MVP: variants seen among roughly 807,000 people sequenced by gnomAD.
MVP encodes major vault protein, also known as lung resistance-related protein.
Under a neutral mutation model 83.5 loss-of-function variants are expected in MVP, and 62 were observed. The ratio of observed to expected loss-of-function variants is 0.74; its 90% CI spans 0.61 to 0.92. The LOEUF (loss-of-function observed/expected upper bound fraction) is 0.92. Among genes scored for constraint, MVP ranks in the 40% least tolerant of loss-of-function variants. MVP has a pLI of 0.00. For synonymous variants in MVP, 505 were observed against 504.1 expected (o/e 1.00, Z -0.02); for missense variants, 1,000 against 1,203.4 (o/e 0.83, Z 2.50).
At chr16:29,833,646 A>T in intron 3 of MVP, 87 bp from the exon 4 acceptor site, 1 of 1,568,942 alleles carries the variant, frequency 6.4e-7, no homozygotes. Flanking sequence ...ACAGAGATGG[A>T]TGTTGTGGAC....
At chr16:29,827,550 C>T (rs1222840114) in intron 1 of MVP, among the ~76,000 whole-genome samples, 4 of 152,188 alleles carry the variant, frequency 2.6e-5, no homozygotes, top group Non-Finnish European at 4.4e-5. Flanking sequence ...GATTCATTGT[C>T]CCTCTCTGGG....
rs1338845803 is a variant in MVP, at chr16:29,846,266, G to A, written c.2247G>A (p.Gln749=). 4 of 1,568,236 alleles carry A rather than the reference G, an allele frequency of 2.6e-6. No individual in the cohort carries two copies. The African/African-American group carries it at 5.4e-5, about 21-fold the overall frequency. The change falls in exon 13 of 15, where the codon CAG becomes CAA. Residue 749 remains glutamine (Q), a synonymous_variant. Coordinates refer to ENST00000357402, the MANE Select transcript of MVP (RefSeq NM_005115.5). ...GSVLQAKLKA[Q]ALAIETEAEL... ...TGCTGCAGGCCAAGCTAAAAGCACA[G>A]GCCTTGGCCATTGAAACGGTGAGTG...
intron 1 of MVP, 185 bp from the exon 2 acceptor site, chr16:29,830,330 G>C: frequency 2.0e-6 from 1 of 498,656 alleles, no homozygotes. Flanking sequence ...GGTCAGGATG[G>C]GCTGTGTCGT....
In MVP at chr16:29,841,872, G is replaced by A; in HGVS notation, c.1436+32G>A. The A allele has an allele frequency of 6.2e-7, 1 of 1,609,660 alleles. No individual in the cohort carries two copies. Among genetic ancestry groups the A allele is most frequent in the Non-Finnish European group, 8.5e-7 (1 of 1,179,884 alleles). On this transcript the variant is annotated intron_variant, in intron 9 of 14. Transcript: ENST00000357402. This position sits in a 1 kb window ranked among gnomAD's most constrained non-coding sequence, Gnocchi z 4.7. ...GCTGGCAGCGCAGGGTGTAGGGGGT[G>A]GCTCTCCATGGGTCTGGCTCTGACC...
intron 10 of MVP, among the ~76,000 whole-genome samples, 176 bp downstream of exon 10, chr16:29,842,288 T>A (rs1199502250): frequency 6.6e-6 from 1 of 152,072 alleles, no homozygotes; most frequent in Admixed American, 6.6e-5. Context: ...TTTGTTTTTT[T>A]AGTTTTTTGG....
Position 29,836,758 on chromosome 16 carries a change from G to A in MVP, c.709G>A (p.Asp237Asn). Residue 237 changes from aspartate to asparagine, a missense_variant, in exon 7 of 15, where the codon GAC becomes AAC. By Grantham distance (23) the Asp-to-Asn change is conservative. Coordinates refer to ENST00000357402, the MANE Select transcript of MVP (RefSeq NM_005115.5). ...CCTCCGGGCTCGGCGGAACTTCCGGGACTTCAGGGGAGTGTCCCGCCGCAC... is the reference window on the plus strand; with the variant it reads ...CCTCCGGGCTCGGCGGAACTTCCGGAACTTCAGGGGAGTGTCCCGCCGCAC... Reference protein sequence around the residue: ...LHLRARRNFRDFRGVSRRTGE... With the variant: ...LHLRARRNFRNFRGVSRRTGE... 2 of 1,605,280 alleles carry A rather than the reference G, an allele frequency of 1.2e-6. No individual in the cohort carries two copies. The highest frequency in any genetic ancestry group is 1.7e-6 in the Non-Finnish European group (2 of 1,173,694).
rs778283053 is a variant in MVP, at chr16:29,847,828, C to T, written c.2521C>T (p.Leu841Phe). The T allele has an allele frequency of 6.2e-7, 1 of 1,614,210 alleles. No homozygotes were observed. Among genetic ancestry groups the T allele is most frequent in the Non-Finnish European group, 8.5e-7 (1 of 1,180,042 alleles). The change falls in exon 15 of 15, where the codon CTC becomes TTC. Residue 841 changes from leucine to phenylalanine, a missense_variant. Transcript: ENST00000357402. Reference protein sequence around the residue: ...LITDGSTPINLFNTAFGLLGM... With the variant: ...LITDGSTPINFFNTAFGLLGM... ...CACCGATGGCTCCACTCCCATCAAC[C>T]TCTTCAACACAGCCTTTGGGCTGCT...
At chr16:29,835,897 C>T (rs13335045) in intron 6 of MVP, 99 bp downstream of exon 6, 3 of 998,120 alleles carry the variant, frequency 3.0e-6, no homozygotes, top group Non-Finnish European at 4.6e-6. Context: ...AAAAGAGAAG[C>T]AATAATTTTA....
At chr16:29,829,073 C>CTTT (rs36101620) in intron 1 of MVP, among the ~76,000 whole-genome samples, 3 of 128,330 alleles carry the variant, frequency 2.3e-5, no homozygotes, top group African/African-American at 6.1e-5. Flanking sequence ...TGAGGAACCA[C>CTTT]TTTTTTTTTT....
intron 1 of MVP, chr16:29,826,100 G>C (rs954360540): frequency 6.6e-6 from 1 of 152,248 alleles, no homozygotes; most frequent in Admixed American, 6.5e-5. Context: ...CAGGTGGGGA[G>C]CCCCCAGCAC....
Position 29,836,733 on chromosome 16 carries a change from C to T in MVP, c.684C>T (p.His228=). 12 of 1,591,072 alleles carry T rather than the reference C, an allele frequency of 7.5e-6. No individual in the cohort carries two copies. Among genetic ancestry groups the T allele is most frequent in the Non-Finnish European group, 1.0e-5 (12 of 1,165,344 alleles). The stretch of plus-strand genomic sequence containing the variant: ...ATGTTGCTCTGCAGACAGCCCTGCA[C>T]CTCCGGGCTCGGCGGAACTTCCGGG... ...AVILTEKTAL[H]LRARRNFRDF... The change falls in exon 7 of 15, where the codon CAC becomes CAT. Residue 228 remains histidine (H), a synonymous_variant. Coordinates refer to ENST00000357402, the MANE Select transcript of MVP (RefSeq NM_005115.5).
At chr16:29,826,012 T>TGGG (rs1056930270) in intron 1 of MVP, 1 of 152,226 alleles carries the variant, frequency 6.6e-6, no homozygotes, top group African/African-American at 2.4e-5. Context: ...AGCCCCTACT[T>TGGG]GCTGTTCCAT....
intron 7 of MVP, among the ~76,000 whole-genome samples, chr16:29,838,310 C>G (rs1006324771): frequency 6.6e-6 from 1 of 151,968 alleles, no homozygotes; most frequent in Non-Finnish European, 1.5e-5. Flanking sequence ...GTGTCAGGCA[C>G]CTGTAATCCC....
chr16:29,823,128 T>TC (rs1471840114), intron 1 of MVP, among the ~76,000 whole-genome samples: 3 of 127,110 alleles, frequency 2.4e-5, no homozygotes, highest in African/African-American at 6.3e-5. Context: ...TTTTCTTTTT[T>TC]TTTTTTTTTT....
At chr16:29,837,097 C>A in intron 7 of MVP, 139 bp downstream of exon 7, 1 of 746,100 alleles carries the variant, frequency 1.3e-6, no homozygotes, top group Non-Finnish European at 2.1e-6. Context: ...TTCTTACACA[C>A]CTGAGACACT....
intron 5 of MVP, 198 bp from the exon 6 acceptor site, chr16:29,835,506 C>CA: frequency 6.2e-6 from 1 of 162,526 alleles, no homozygotes; most frequent in Non-Finnish European, 1.2e-5. Context: ...AAAAAAAAAA[C>CA]TTTTAAAATT....
chr16:29,835,562 G>A (rs567142164), intron 5 of MVP, 142 bp from the exon 6 acceptor site: 12 of 446,778 alleles, frequency 2.7e-5, no homozygotes, highest in African/African-American at 8.1e-5. Context: ...TAAGAGGACC[G>A]CAGTCAGGAA....
In MVP at chr16:29,844,532, G is replaced by A. The variant is rs750832727; in HGVS notation, c.1674G>A (p.Thr558=). 6.4e-6 allele frequency: 10 copies of A among 1,567,334 alleles called. No homozygotes were observed. Among genetic ancestry groups the A allele is most frequent in the South Asian group, 1.2e-5 (1 of 84,226 alleles). The change falls in exon 11 of 15, where the codon ACG becomes ACA. Residue 558 remains threonine (T), a synonymous_variant. Coordinates refer to ENST00000357402, the MANE Select transcript of MVP (RefSeq NM_005115.5). ...EVNDRKDPQE[T]AKLFSVPDFV... is the part of the protein sequence containing the mutation. ...ATGACCGGAAGGACCCCCAAGAGAC[G>A]GCCAAGCTCTTTTCAGTGCCAGACT...
intron 7 of MVP, among the ~76,000 whole-genome samples, chr16:29,837,247 C>T (rs1455378432): frequency 6.6e-6 from 1 of 152,212 alleles, no homozygotes; most frequent in Non-Finnish European, 1.5e-5. Context: ...GATGGGGATA[C>T]ATTCTGAGAA....
Sources: allele counts gnomAD v4.1 joint callset (sites outside exome capture counted in the v4.1 genomes callset), GRCh38; gene constraint gnomAD v4.1.1; non-coding constraint Gnocchi (gnomAD v3.1); transcripts MANE v1.5; gene names NCBI Gene and HGNC (gene_info 2026-07-23, HGNC 2026-07-21).